The following ARHGAP10 variants were observed in gnomAD, a reference collection of about 807,000 sequenced individuals.
ARHGAP10 encodes the protein rho GTPase-activating protein 10.
Under a neutral mutation model 108.6 loss-of-function variants are expected in ARHGAP10, and 87 were observed. The observed-to-expected ratio is 0.80, with a 90% CI of 0.67 to 0.96. ARHGAP10 has a LOEUF of 0.96. Ranked by LOEUF, ARHGAP10 falls within the 40% of genes least tolerant of loss-of-function variation. The probability of loss-of-function intolerance (pLI) is 0.00; values close to 1 mark genes in which losing one functional copy is unlikely to be tolerated. For missense variants in ARHGAP10, 939 were observed against 954.5 expected (o/e 0.98, Z 0.21); for synonymous variants, 347 against 341.1 (o/e 1.02, Z -0.19).
chr4:147,742,426 A>T (rs1728717034), intron 1 of ARHGAP10, among the ~76,000 whole-genome samples: 1 of 148,004 alleles, frequency 6.8e-6, no homozygotes, highest in Admixed American at 6.8e-5. Flanking sequence ...GTTGAACTTG[A>T]GCACAGTTGT....
At chr4:147,748,375 A>G (rs567961459) in intron 1 of ARHGAP10, among the ~76,000 whole-genome samples, 5 of 149,072 alleles carry the variant, frequency 3.4e-5, no homozygotes, top group East Asian at 1.9e-4. Context: ...CAAAGGGTAT[A>G]GAAACTAGTA....
intron 19 of ARHGAP10, among the ~76,000 whole-genome samples, chr4:148,036,381 T>C (rs1728379360): frequency 6.6e-6 from 1 of 152,182 alleles, no homozygotes; most frequent in Admixed American, 6.5e-5. Context: ...CATCTTGAAT[T>C]GTAGTTCCTA....
chr4:148,048,775 C>G (rs1362464758), intron 20 of ARHGAP10, among the ~76,000 whole-genome samples: 1 of 152,146 alleles, frequency 6.6e-6, no homozygotes, highest in African/African-American at 2.4e-5. Flanking sequence ...AGCCAACACT[C>G]AATTCACAAC....
At chr4:147,964,882 G>A (rs1023763978) in intron 16 of ARHGAP10, 142 bp from the exon 17 acceptor site, 14 of 551,534 alleles carry the variant, frequency 2.5e-5, no homozygotes, top group Non-Finnish European at 4.1e-5. Context: ...GGCAAAATAT[G>A]TTTACATTCT....
intron 17 of ARHGAP10, among the ~76,000 whole-genome samples, chr4:147,966,060 A>C (rs58694083): frequency 0.044 from 6,671 of 152,312 alleles, 150 homozygotes; most frequent in African/African-American, 0.057. Flanking sequence ...GCACAGTGAT[A>C]CTGGGCTGAA....
At chr4:147,974,952 G>A (rs1313107953) in intron 18 of ARHGAP10, among the ~76,000 whole-genome samples, 3 of 152,138 alleles carry the variant, frequency 2.0e-5, no homozygotes. Flanking sequence ...CCACCCCCAT[G>A]ATTCAATTAT....
At chr4:147,932,868 A>G (rs1215080893) in intron 13 of ARHGAP10, among the ~76,000 whole-genome samples, 1 of 152,214 alleles carries the variant, frequency 6.6e-6, no homozygotes, top group Non-Finnish European at 1.5e-5. Flanking sequence ...TGAATAGAAT[A>G]TTACATCTCC....
chr4:147,740,461 G>A (rs1306634879), intron 1 of ARHGAP10, among the ~76,000 whole-genome samples: 1 of 152,160 alleles, frequency 6.6e-6, no homozygotes, highest in Non-Finnish European at 1.5e-5. Flanking sequence ...AATCGATCTT[G>A]ATTATCTAGA....
chr4:147,748,917 C>CAT (rs1729038715), intron 1 of ARHGAP10, among the ~76,000 whole-genome samples: 1 of 152,034 alleles, frequency 6.6e-6, no homozygotes, highest in African/African-American at 2.4e-5. Flanking sequence ...TGTGATCATG[C>CAT]CACTGTATTC....
intron 22 of ARHGAP10, among the ~76,000 whole-genome samples, chr4:148,066,103 C>T (rs1201217904): frequency 6.6e-6 from 1 of 152,074 alleles, no homozygotes; most frequent in Non-Finnish European, 1.5e-5. Flanking sequence ...TTCCATCTCT[C>T]TGTGGAACTG....
intron 1 of ARHGAP10, among the ~76,000 whole-genome samples, chr4:147,802,677 T>C (rs972379565): frequency 6.6e-6 from 1 of 152,258 alleles, no homozygotes; most frequent in Non-Finnish European, 1.5e-5. Context: ...AACTTCTACT[T>C]ACACTGGTTT....
At chr4:147,914,430 T>C (rs1736876972) in intron 13 of ARHGAP10, among the ~76,000 whole-genome samples, 1 of 152,002 alleles carries the variant, frequency 6.6e-6, no homozygotes, top group South Asian at 2.1e-4. Context: ...GAGCCATAGC[T>C]CACTGCAGCC....
chr4:148,051,738 G>A (rs1025858360), intron 20 of ARHGAP10, among the ~76,000 whole-genome samples: 1 of 152,212 alleles, frequency 6.6e-6, no homozygotes, highest in African/African-American at 2.4e-5. Context: ...GCCTCAAGCT[G>A]TCGTTGTGCC....
chr4:147,991,707 CTG>C (rs1740284452), intron 18 of ARHGAP10, among the ~76,000 whole-genome samples: 2 of 152,238 alleles, frequency 1.3e-5, no homozygotes, highest in Non-Finnish European at 2.9e-5. Context: ...GTTTATAGAA[CTG>C]TGTACCAGCC....
intron 13 of ARHGAP10, among the ~76,000 whole-genome samples, chr4:147,918,070 A>G (rs1737061460): frequency 6.6e-6 from 1 of 151,904 alleles, no homozygotes; most frequent in Non-Finnish European, 1.5e-5. Flanking sequence ...AATGAGATAC[A>G]TTTATTTAAA....
At chr4:147,866,044 G>C (rs1042377541) in intron 6 of ARHGAP10, 1 of 152,250 alleles carries the variant, frequency 6.6e-6, no homozygotes, top group Non-Finnish European at 1.5e-5. Flanking sequence ...AATGGAGCCT[G>C]CTGGGTGTCA....
At chr4:147,867,727 G>T (rs1184770183) in intron 7 of ARHGAP10, among the ~76,000 whole-genome samples, 1 of 151,994 alleles carries the variant, frequency 6.6e-6, no homozygotes, top group African/African-American at 2.4e-5. Context: ...AGCTGGGTGT[G>T]GTGGAGTGCG....
intron 2 of ARHGAP10, 21 bp downstream of exon 2, chr4:147,822,843 G>A: frequency 6.2e-7 from 1 of 1,613,810 alleles, no homozygotes; most frequent in Non-Finnish European, 8.5e-7. Context: ...ATGATATTTT[G>A]GTTTGTTTTC....
At chr4:148,057,333 C>T (rs944941762) in intron 20 of ARHGAP10, among the ~76,000 whole-genome samples, 1 of 152,190 alleles carries the variant, frequency 6.6e-6, no homozygotes, top group Non-Finnish European at 1.5e-5. Context: ...CTGAATATCC[C>T]GGTACTTGCA....
Sources: gnomAD v4.1 joint callset for allele counts (sites outside exome capture counted in the v4.1 genomes callset) on GRCh38, gnomAD v4.1.1 for gene constraint, MANE v1.5 for transcripts, NCBI Gene and HGNC (gene_info 2026-07-23, HGNC 2026-07-21) for gene names.